ALMS1: variants seen among roughly 807,000 people sequenced by gnomAD.
The protein encoded by ALMS1 is ALMS1 centrosome and basal body associated protein, also known as centrosome-associated protein ALMS1.
Under a neutral mutation model 352.2 loss-of-function variants are expected in ALMS1, and 271 were observed. The ratio of observed to expected loss-of-function variants is 0.77; its 90% CI spans 0.70 to 0.85. The LOEUF is 0.85. ALMS1 is among the 40% of genes least tolerant of loss of function. ALMS1 has a pLI of 0.00. For synonymous variants in ALMS1, 1,865 were observed against 1,761.2 expected, an observed-to-expected ratio of 1.06 and a Z score of -1.48; for missense variants, 5,445 against 4,870.7, an observed-to-expected ratio of 1.12 and a Z score of -3.51.
At chr2:73,419,091 A>G in intron 2 of ALMS1, 32 bp from the exon 3 acceptor site, 1 of 1,556,296 alleles carries the variant, frequency 6.4e-7, no homozygotes, top group Non-Finnish European at 8.9e-7. Context: ...TCAGTTAATG[A>G]CTTAGCATGT....
intron 9 of ALMS1, among the ~76,000 whole-genome samples, chr2:73,465,550 G>C (rs547720083): frequency 2.1e-4 from 32 of 152,298 alleles, no homozygotes; most frequent in African/African-American, 7.5e-4. Context: ...AGAAAACCTA[G>C]GCAATACCAT....
chr2:73,536,922 C>T (rs963914413), intron 12 of ALMS1, among the ~76,000 whole-genome samples: 1 of 152,204 alleles, frequency 6.6e-6, no homozygotes, highest in African/African-American at 2.4e-5. Flanking sequence ...TAGTCCCATT[C>T]CCAGTACCTC....
At chr2:73,456,808 A>G (rs1672076036) in intron 9 of ALMS1, 1 of 152,236 alleles carries the variant, frequency 6.6e-6, no homozygotes, top group Non-Finnish European at 1.5e-5. Context: ...ATGCTGCCAA[A>G]GTGAGCACTA....
chr2:73,557,149 G>A, intron 13 of ALMS1, 71 bp from the exon 14 acceptor site: 2 of 1,597,022 alleles, frequency 1.3e-6, no homozygotes, highest in Non-Finnish European at 1.7e-6. Context: ...TTGTAATTGT[G>A]GGGGAGGATT....
chr2:73,499,885 C>CT (rs1478762034), intron 10 of ALMS1, among the ~76,000 whole-genome samples: 1 of 152,110 alleles, frequency 6.6e-6, no homozygotes, highest in East Asian at 1.9e-4. Context: ...CCTTCCACTT[C>CT]TTTTCTCTTC....
At chr2:73,471,755 A>T (rs1461502143) in intron 9 of ALMS1, among the ~76,000 whole-genome samples, 1 of 151,936 alleles carries the variant, frequency 6.6e-6, no homozygotes, top group African/African-American at 2.4e-5. Flanking sequence ...AGAACCCTGT[A>T]CACTGTAGAT....
At chr2:73,600,994 C>A in intron 18 of ALMS1, 113 bp downstream of exon 18, 1 of 1,411,324 alleles carries the variant, frequency 7.1e-7, no homozygotes, top group South Asian at 1.4e-5. Flanking sequence ...TACCCCCAGC[C>A]ACAACCTTGT....
chr2:73,501,290 C>T (rs1673214193), intron 10 of ALMS1, among the ~76,000 whole-genome samples: 1 of 151,382 alleles, frequency 6.6e-6, no homozygotes, highest in Non-Finnish European at 1.5e-5. Context: ...AATGGTGTCT[C>T]TGGGGAACAG....
At chr2:73,484,278 A>G (rs1326778789) in intron 9 of ALMS1, among the ~76,000 whole-genome samples, 3 of 151,582 alleles carry the variant, frequency 2.0e-5, no homozygotes, top group Non-Finnish European at 4.4e-5. Flanking sequence ...AGTGGTGACA[A>G]AATCTCTCAG....
At chr2:73,486,778 G>A (rs1672857357) in intron 9 of ALMS1, among the ~76,000 whole-genome samples, 1 of 152,220 alleles carries the variant, frequency 6.6e-6, no homozygotes, top group South Asian at 2.1e-4. Flanking sequence ...GCCAGGCGCA[G>A]TGGCTCATGC....
chr2:73,432,580 G>A (rs1671522038), intron 7 of ALMS1, among the ~76,000 whole-genome samples: 2 of 152,126 alleles, frequency 1.3e-5, no homozygotes, highest in South Asian at 2.1e-4. Flanking sequence ...GTTTGTCATA[G>A]ATGACATGTT....
At chr2:73,542,847 A>T (rs6546844) in intron 12 of ALMS1, among the ~76,000 whole-genome samples, 28 of 151,444 alleles carry the variant, frequency 1.8e-4, no homozygotes, top group Non-Finnish European at 2.4e-4. Flanking sequence ...ACAAACCACT[A>T]CTCAATGAAA....
At chr2:73,561,923 T>TA (rs778708868) in intron 15 of ALMS1, among the ~76,000 whole-genome samples, 2 of 149,144 alleles carry the variant, frequency 1.3e-5, no homozygotes, top group South Asian at 2.1e-4. Context: ...GTATATGAAA[T>TA]AAAAATTGAT....
chr2:73,586,504 G>A (rs1675316768), intron 16 of ALMS1, among the ~76,000 whole-genome samples: 1 of 152,130 alleles, frequency 6.6e-6, no homozygotes, highest in African/African-American at 2.4e-5. Context: ...TGAATAGGGT[G>A]TCCTTTCCTT....
chr2:73,552,597 T>C (rs1349721195), intron 13 of ALMS1, among the ~76,000 whole-genome samples: 1 of 152,228 alleles, frequency 6.6e-6, no homozygotes, highest in Non-Finnish European at 1.5e-5. Context: ...GGCTCAGTTA[T>C]CTGAGGACCT....
chr2:73,557,116 T>G, intron 13 of ALMS1, 104 bp from the exon 14 acceptor site: 1 of 1,516,472 alleles, frequency 6.6e-7, no homozygotes, highest in South Asian at 1.1e-5. Flanking sequence ...TTTCCTAATA[T>G]GTAAATGGGT....
At chr2:73,567,565 G>GAT (rs1490880322) in intron 15 of ALMS1, among the ~76,000 whole-genome samples, 1 of 152,194 alleles carries the variant, frequency 6.6e-6, no homozygotes, top group East Asian at 1.9e-4. Context: ...ACAAGAGACT[G>GAT]ATACATCAGT....
intron 16 of ALMS1, among the ~76,000 whole-genome samples, chr2:73,574,741 A>G (rs1347739662): frequency 6.6e-6 from 1 of 152,102 alleles, no homozygotes; most frequent in Non-Finnish European, 1.5e-5. Flanking sequence ...GATCCAGGAG[A>G]GGGTTTGTGT....
intron 9 of ALMS1, among the ~76,000 whole-genome samples, chr2:73,468,262 A>G (rs1237076976): frequency 5.9e-5 from 9 of 152,014 alleles, no homozygotes; most frequent in African/African-American, 2.2e-4. Flanking sequence ...TTGAAAGGCT[A>G]GTAGAAGTCC....
Sources: allele counts gnomAD v4.1 joint callset (sites outside exome capture counted in the v4.1 genomes callset), GRCh38; gene constraint gnomAD v4.1.1; transcripts MANE v1.5; gene names NCBI Gene and HGNC (gene_info 2026-07-23, HGNC 2026-07-21).